The following ROR1 variants were observed in gnomAD, a reference collection of about 807,000 sequenced individuals.
ROR1 encodes inactive tyrosine-protein kinase transmembrane receptor ROR1.
ROR1 carries 19 observed loss-of-function variants against 78.8 expected under a neutral mutation model. The observed-to-expected ratio is 0.24, with a 90% CI of 0.17 to 0.35. The LOEUF (loss-of-function observed/expected upper bound fraction) is 0.35, where lower values mean the gene tolerates loss of function less well. Among genes scored for constraint, ROR1 ranks in the 10% least tolerant of loss-of-function variants. The pLI is 1.00. For synonymous variants in ROR1, 386 were observed against 433.6 expected, an observed-to-expected ratio of 0.89 and a Z score of 1.36; for missense variants, 917 against 1,177.8, an observed-to-expected ratio of 0.78 and a Z score of 3.24.
At position 64,163,753 on chromosome 1, in the gene ROR1, G is replaced by A. The variant is rs567162373; in HGVS notation, c.1386+4561G>A. ...TACATTCTCTGGCCCTGTCCCTTTT[G>A]CCAGCAACATGCTTCCATCTAAAAG... On this transcript the variant is annotated intron_variant, in intron 8 of 8. Transcript: ENST00000371079. 1.2e-4 allele frequency among the ~76,000 whole-genome samples: 18 copies of A among 152,218 alleles called. No homozygotes were observed. The South Asian group carries it at 3.7e-3, about 32-fold the overall frequency.
chr1:64,177,254 C>G (rs1650406639), intron 8 of ROR1, among the ~76,000 whole-genome samples, 174 bp from the exon 9 acceptor site: 1 of 152,228 alleles, frequency 6.6e-6, no homozygotes, highest in South Asian at 2.1e-4. Context: ...GGAAAGTTGT[C>G]TATGGCACCT....
intron 1 of ROR1, among the ~76,000 whole-genome samples, chr1:63,845,725 T>G (rs1275169086): frequency 6.6e-6 from 1 of 152,222 alleles, no homozygotes; most frequent in Non-Finnish European, 1.5e-5. Flanking sequence ...GATACCTGCA[T>G]GCATCTTCAT....
chr1:63,859,588 A>G (rs1411234072), intron 1 of ROR1, among the ~76,000 whole-genome samples: 23 of 152,170 alleles, frequency 1.5e-4, no homozygotes. Flanking sequence ...ACATGGGTAA[A>G]GCTTGGAGCT....
intron 7 of ROR1, among the ~76,000 whole-genome samples, chr1:64,155,970 T>A (rs2100726621): frequency 6.6e-6 from 1 of 152,312 alleles, no homozygotes; most frequent in South Asian, 2.1e-4. Flanking sequence ...CCAAATAAGA[T>A]TGGTAGAGCA....
chr1:63,774,983 C>T lies in ROR1; in HGVS notation c.91+475C>T, dbSNP rs1368954623. 1.3e-5 allele frequency among the ~76,000 whole-genome samples: 2 copies of T among 152,068 alleles called. No homozygotes were observed. The highest frequency in any genetic ancestry group is 4.8e-5 in the African/African-American group (2 of 41,414). On this transcript the variant is annotated intron_variant, in intron 1 of 8. Transcript: ENST00000371079. This position sits in a 1 kb window ranked among gnomAD's most constrained non-coding sequence, Gnocchi z 5.7. The stretch of plus-strand genomic sequence containing the variant: ...TGCTCGCCAGAGCCCAGGCGGCTCG[C>T]GGATCGACGCAAACAAAAGCCCTGT...
Position 63,965,777 on chromosome 1 carries a change from CTATT to C in ROR1, c.92-43525_92-43522del, listed in dbSNP as rs999316435. ...AAAGAGGATAGCCCTTTTTTGGAGA[CTATT>C]TAGTTTCAGATTAGTTGACAAAGTA... On this transcript the variant is annotated intron_variant, in intron 1 of 8. Transcript: ENST00000371079. Among the ~76,000 whole-genome samples the C allele has an allele frequency of 7.2e-5, 11 of 152,110 alleles. No homozygotes were observed. The South Asian group carries it at 1.9e-3, about 26-fold the overall frequency.
rs1644901100 is a variant in ROR1, at chr1:63,817,813, G to A, written c.91+43305G>A. Among the ~76,000 whole-genome samples the A allele has an allele frequency of 2.0e-5, 3 of 152,154 alleles. No individual in the cohort carries two copies. In the South Asian group the frequency reaches 6.2e-4, roughly 32 times the overall value. On this transcript the variant is annotated intron_variant, in intron 1 of 8. Coordinates refer to ENST00000371079, the MANE Select transcript of ROR1 (RefSeq NM_005012.4). ...ACTCTGGGAGAGTTTTGGAGGCCAG[G>A]GCTGGCTGGTTTGTGGGATACCCTG...
chr1:63,775,095 C>T (rs1644607244), intron 1 of ROR1, among the ~76,000 whole-genome samples: 5 of 152,110 alleles, frequency 3.3e-5, no homozygotes, highest in Admixed American at 3.3e-4. Flanking sequence ...AAAACTTGTG[C>T]GCCGCTGCAG....
intron 1 of ROR1, among the ~76,000 whole-genome samples, chr1:63,985,846 G>GT (rs543262679): frequency 3.4e-4 from 51 of 152,052 alleles, no homozygotes; most frequent in African/African-American, 9.6e-4. Flanking sequence ...ATATCTCATT[G>GT]TTTGTATGCA....
At chr1:63,908,489 T>C (rs1282779648) in intron 1 of ROR1, among the ~76,000 whole-genome samples, 1 of 152,160 alleles carries the variant, frequency 6.6e-6, no homozygotes, top group Admixed American at 6.5e-5. Flanking sequence ...ACTCTGGTGA[T>C]TATTAGTGTT....
intron 4 of ROR1, among the ~76,000 whole-genome samples, chr1:64,119,522 CCA>C (rs1287356837): frequency 1.2e-4 from 18 of 151,760 alleles, no homozygotes; most frequent in Non-Finnish European, 2.5e-4. Context: ...GCCTGTAATC[CCA>C]GTTACTTGGG....
rs192458979 is a variant in ROR1, at chr1:63,949,895, T to C, written c.92-59410T>C. ...GGAGGTGGGGTGAATGTTTTCATTT[T>C]TCATTAGACGACATTCGTAAACATA... is the stretch of plus-strand genomic sequence containing the variant. On this transcript the variant is annotated intron_variant, in intron 1 of 8. Transcript: ENST00000371079. Among the ~76,000 whole-genome samples the C allele has an allele frequency of 1.3e-3, 198 of 152,262 alleles. 1 individual carries two copies. The highest frequency in any genetic ancestry group is 4.3e-3 in the African/African-American group (178 of 41,552).
chr1:63,934,985 A>G (rs1645783038), intron 1 of ROR1, among the ~76,000 whole-genome samples: 1 of 151,416 alleles, frequency 6.6e-6, no homozygotes, highest in Non-Finnish European at 1.5e-5. Flanking sequence ...GAATTTAGCA[A>G]TCTGCCATCC....
chr1:63,866,009 C>T (rs933720971), intron 1 of ROR1, among the ~76,000 whole-genome samples: 2 of 152,078 alleles, frequency 1.3e-5, no homozygotes, highest in African/African-American at 2.4e-5. Context: ...CTAGTCACCC[C>T]AATTGCTGAA....
chr1:63,992,333 G>A (rs538073618), intron 1 of ROR1, among the ~76,000 whole-genome samples: 24 of 151,960 alleles, frequency 1.6e-4, no homozygotes, highest in Non-Finnish European at 3.2e-4. Context: ...TCAGCCTCCC[G>A]AGTAGCTGGG....
At chr1:64,022,429 T>G (rs1462891374) in intron 2 of ROR1, among the ~76,000 whole-genome samples, 1 of 152,186 alleles carries the variant, frequency 6.6e-6, no homozygotes. Context: ...ATAAGAAAAC[T>G]CTAAATAAAC....
At chr1:63,787,485 C>CCTTCCTGA (rs1557496283) in intron 1 of ROR1, among the ~76,000 whole-genome samples, 2 of 98,432 alleles carry the variant, frequency 2.0e-5, no homozygotes, top group East Asian at 6.6e-4. Flanking sequence ...TTCCTTCCTG[C>CCTTCCTGA]CTTCCTGCCT....
At chr1:63,853,596 T>C (rs1435007817) in intron 1 of ROR1, among the ~76,000 whole-genome samples, 1 of 152,200 alleles carries the variant, frequency 6.6e-6, no homozygotes, top group Non-Finnish European at 1.5e-5. Flanking sequence ...AACCTGTATC[T>C]TGTATATAGT....
chr1:63,954,333 C>T (rs1323702850), intron 1 of ROR1, among the ~76,000 whole-genome samples: 20 of 152,222 alleles, frequency 1.3e-4, no homozygotes, highest in Non-Finnish European at 1.2e-4. Flanking sequence ...AACCCAACTT[C>T]TCACATTCTG....
Sources: gnomAD v4.1 joint callset for allele counts (sites outside exome capture counted in the v4.1 genomes callset) on GRCh38, gnomAD v4.1.1 for gene constraint, Gnocchi (gnomAD v3.1) non-coding constraint, MANE v1.5 for transcripts, NCBI Gene and HGNC (gene_info 2026-07-23, HGNC 2026-07-21) for gene names.